Variants in TNR observed in about 807,000 individuals in gnomAD.
The protein encoded by TNR is tenascin R, also known as tenascin-R.
Under a neutral mutation model 150.4 loss-of-function variants are expected in TNR, and 45 were observed. That is an observed-to-expected ratio of 0.30 (90% CI 0.24 to 0.38). The LOEUF (loss-of-function observed/expected upper bound fraction) is 0.38, where lower values mean the gene tolerates loss of function less well. TNR is among the 10% of genes least tolerant of loss of function. TNR has a pLI of 1.00. For synonymous variants in TNR, 687 were observed against 678.4 expected, an observed-to-expected ratio of 1.01 and a Z score of -0.20; for missense variants, 1,544 against 1,759.1, an observed-to-expected ratio of 0.88 and a Z score of 2.19.
chr1:175,490,655 C>G (rs1658208850), intron 2 of TNR, among the ~76,000 whole-genome samples: 2 of 152,174 alleles, frequency 1.3e-5, no homozygotes, highest in South Asian at 4.1e-4. Context: ...AAATGTAAAT[C>G]AAAATCACAA....
At chr1:175,590,632 G>A (rs551502676) in intron 1 of TNR, among the ~76,000 whole-genome samples, 24 of 152,334 alleles carry the variant, frequency 1.6e-4, no homozygotes, top group South Asian at 1.0e-3. Context: ...AGGAGGGGGG[G>A]ATCCACTCAG....
chr1:175,426,171 T>C (rs1425473408), intron 2 of TNR, among the ~76,000 whole-genome samples: 1 of 152,126 alleles, frequency 6.6e-6, no homozygotes, highest in Non-Finnish European at 1.5e-5. Context: ...GTGTTTGGAG[T>C]GGTAGATTCC....
intron 2 of TNR, among the ~76,000 whole-genome samples, chr1:175,421,334 T>A (rs931662553): frequency 1.3e-5 from 2 of 152,230 alleles, no homozygotes; most frequent in Non-Finnish European, 2.9e-5. Context: ...TAGGAAAACC[T>A]ATTGCTTTGA....
At chr1:175,490,015 C>G (rs566856286) in intron 2 of TNR, among the ~76,000 whole-genome samples, 1 of 152,200 alleles carries the variant, frequency 6.6e-6, no homozygotes, top group African/African-American at 2.4e-5. Context: ...GCTATTGGTA[C>G]AAAAACAGAC....
intron 2 of TNR, among the ~76,000 whole-genome samples, chr1:175,458,952 C>T (rs1656690191): frequency 9.7e-6 from 1 of 102,664 alleles, no homozygotes. Flanking sequence ...TTAGCACCTC[C>T]ACCAACACCA....
At chr1:175,329,778 T>A in intron 21 of TNR, among the ~76,000 whole-genome samples, 1 of 152,218 alleles carries the variant, frequency 6.6e-6, no homozygotes, top group East Asian at 1.9e-4. Context: ...ACCTTAAAAG[T>A]ACAATCACTC....
At chr1:175,418,001 G>A (rs986129606) in intron 2 of TNR, among the ~76,000 whole-genome samples, 6 of 152,056 alleles carry the variant, frequency 3.9e-5, no homozygotes, top group South Asian at 2.1e-4. Flanking sequence ...AAATAGCACC[G>A]CCCTGACCCA....
intron 4 of TNR, among the ~76,000 whole-genome samples, chr1:175,397,283 A>G (rs1653480553): frequency 6.6e-6 from 1 of 152,174 alleles, no homozygotes; most frequent in South Asian, 2.1e-4. Flanking sequence ...TCTACTACAC[A>G]TCTGTTTCCA....
intron 2 of TNR, among the ~76,000 whole-genome samples, chr1:175,454,232 A>T (rs147564559): frequency 6.6e-6 from 1 of 152,130 alleles, no homozygotes; most frequent in Non-Finnish European, 1.5e-5. Flanking sequence ...TGAAATTCCC[A>T]TTGTTAGAAT....
At chr1:175,473,224 C>G (rs1404372964) in intron 2 of TNR, among the ~76,000 whole-genome samples, 1 of 152,164 alleles carries the variant, frequency 6.6e-6, no homozygotes, top group African/African-American at 2.4e-5. Flanking sequence ...AAGATCTCTT[C>G]ATACAGCTTC....
intron 1 of TNR, among the ~76,000 whole-genome samples, chr1:175,723,598 A>G (rs1012643992): frequency 4.6e-5 from 7 of 152,268 alleles, no homozygotes; most frequent in African/African-American, 1.7e-4. Context: ...TTTGCTAGAC[A>G]TAGTGGCTCA....
At chr1:175,646,213 TC>T (rs1222540652) in intron 1 of TNR, among the ~76,000 whole-genome samples, 2 of 152,182 alleles carry the variant, frequency 1.3e-5, no homozygotes, top group African/African-American at 4.8e-5. Context: ...CTAAAAGGGC[TC>T]CCATCTGACT....
chr1:175,418,664 C>T (rs1654615342), intron 2 of TNR, among the ~76,000 whole-genome samples: 2 of 150,892 alleles, frequency 1.3e-5, no homozygotes, highest in Admixed American at 6.6e-5. Context: ...GCGGAGGTTG[C>T]AGTGAGCCGA....
chr1:175,508,660 G>T (rs755206357), intron 2 of TNR, among the ~76,000 whole-genome samples: 1 of 152,198 alleles, frequency 6.6e-6, no homozygotes, highest in East Asian at 1.9e-4. Context: ...ATGGGTGTGC[G>T]TGGGAGCAAA....
At chr1:175,537,107 G>A (rs1660322372) in intron 1 of TNR, among the ~76,000 whole-genome samples, 1 of 152,152 alleles carries the variant, frequency 6.6e-6, no homozygotes, top group Non-Finnish European at 1.5e-5. Flanking sequence ...GTGCACGATC[G>A]TTAAGTGATC....
In TNR at chr1:175,742,817, T is replaced by C. The variant is rs146274129; in HGVS notation, c.-165+409A>G. Among the ~76,000 whole-genome samples, 193 of 152,270 alleles carry C rather than the reference T, an allele frequency of 1.3e-3. 1 individual carries two copies. The highest frequency in any genetic ancestry group is 4.5e-3 in the African/African-American group (185 of 41,544). ...CTTTGCAACTCTTTCCCACCATGGATGGCTTGTCGGGAGAGAGTTAAAGAA... is the reference window on the plus strand; with the variant it reads ...CTTTGCAACTCTTTCCCACCATGGACGGCTTGTCGGGAGAGAGTTAAAGAA... On this transcript the variant is annotated intron_variant, in intron 1 of 22. Coordinates refer to ENST00000367674, the MANE Select transcript of TNR (RefSeq NM_003285.3).
At chr1:175,467,878 C>A (rs991832901) in intron 2 of TNR, among the ~76,000 whole-genome samples, 2 of 152,262 alleles carry the variant, frequency 1.3e-5, no homozygotes, top group Non-Finnish European at 2.9e-5. Flanking sequence ...CTGTATTTCC[C>A]ATAATGCAAA....
chr1:175,673,506 G>C (rs1217488066), intron 1 of TNR, among the ~76,000 whole-genome samples: 17 of 152,252 alleles, frequency 1.1e-4, no homozygotes, highest in Non-Finnish European at 1.5e-5. Context: ...GCAAGCATAT[G>C]TAGGGTGCTG....
chr1:175,352,647 G>A (rs775545736), intron 18 of TNR, among the ~76,000 whole-genome samples: 4 of 152,192 alleles, frequency 2.6e-5, no homozygotes, highest in Non-Finnish European at 4.4e-5. Flanking sequence ...TGTCTTCTAA[G>A]TTCCACTTGG....
Sources: allele counts gnomAD v4.1 joint callset (sites outside exome capture counted in the v4.1 genomes callset), GRCh38; gene constraint gnomAD v4.1.1; transcripts MANE v1.5; gene names NCBI Gene and HGNC (gene_info 2026-07-23, HGNC 2026-07-21).